The following CTNNA1 variants were observed in gnomAD, a reference collection of about 807,000 sequenced individuals.
CTNNA1 encodes catenin alpha-1.
Under a neutral mutation model 98.4 loss-of-function variants are expected in CTNNA1, and 37 were observed. The ratio of observed to expected loss-of-function variants is 0.38; its 90% CI spans 0.29 to 0.49. CTNNA1 has a LOEUF of 0.49. Among genes scored for constraint, CTNNA1 ranks in the 20% least tolerant of loss-of-function variants. CTNNA1 has a pLI of 0.95. For synonymous variants in CTNNA1, 404 were observed against 413.2 expected (o/e 0.98, Z 0.27); for missense variants, 761 against 1,147.2 (o/e 0.66, Z 4.86).
intron 5 of CTNNA1, among the ~76,000 whole-genome samples, chr5:138,817,503 G>A (rs112222973): frequency 0.012 from 1,830 of 152,184 alleles, 38 homozygotes; most frequent in African/African-American, 0.037. Flanking sequence ...AATTAAATAG[G>A]TTTTCTATGC....
intron 9 of CTNNA1, among the ~76,000 whole-genome samples, chr5:138,893,048 A>T (rs1298956948): frequency 6.6e-6 from 1 of 152,210 alleles, no homozygotes; most frequent in East Asian, 1.9e-4. Context: ...AAAATAAATT[A>T]AAAATTCTTC....
rs572159120 is a variant in CTNNA1, at chr5:138,901,564, A to G, written c.1297-2785A>G. Among the ~76,000 whole-genome samples, 127 of 152,234 alleles carry G rather than the reference A, an allele frequency of 8.3e-4. 1 individual carries two copies. Among genetic ancestry groups the G allele is most frequent in the South Asian group, 6.4e-3 (31 of 4,830 alleles). ...CTCAGCCTTCCAATTAGCTGGGACT[A>G]TAGGTGCGTGCCACCACACCCAGCC... On this transcript the variant is annotated intron_variant, in intron 9 of 17. Coordinates refer to ENST00000302763, the MANE Select transcript of CTNNA1 (RefSeq NM_001903.5).
At chr5:138,825,452 C>T (rs12654305) in intron 6 of CTNNA1, among the ~76,000 whole-genome samples, 1 of 126,202 alleles carries the variant, frequency 7.9e-6, no homozygotes, top group Non-Finnish European at 1.6e-5. Context: ...CACAGTGCCT[C>T]TTGGCTTCCA....
chr5:138,881,363 A>G (rs1003876250), intron 7 of CTNNA1, among the ~76,000 whole-genome samples: 1 of 152,234 alleles, frequency 6.6e-6, no homozygotes, highest in Non-Finnish European at 1.5e-5. Flanking sequence ...GGCAGAGCCC[A>G]CCAGCCATTT....
intron 10 of CTNNA1, among the ~76,000 whole-genome samples, chr5:138,905,018 T>C (rs11958642): frequency 0.33 from 47,315 of 144,746 alleles, 7,791 homozygotes; most frequent in African/African-American, 0.42. Flanking sequence ...GGCGTGAACC[T>C]GGGAGGCGGA....
intron 11 of CTNNA1, among the ~76,000 whole-genome samples, chr5:138,920,538 T>C (rs1025804619): frequency 6.6e-6 from 1 of 152,234 alleles, no homozygotes; most frequent in Non-Finnish European, 1.5e-5. Flanking sequence ...GATCTGGCTT[T>C]TGAGGTAGGT....
At chr5:138,823,657 C>G (rs1194181451) in intron 5 of CTNNA1, among the ~76,000 whole-genome samples, 1 of 152,144 alleles carries the variant, frequency 6.6e-6, no homozygotes, top group Admixed American at 6.5e-5. Flanking sequence ...AAAACTCTTA[C>G]AATAAAATTA....
chr5:138,756,108 G>A (rs971480127), intron 1 of CTNNA1, among the ~76,000 whole-genome samples: 2 of 151,486 alleles, frequency 1.3e-5, no homozygotes, highest in Non-Finnish European at 2.9e-5. Flanking sequence ...GCATAATTGC[G>A]GCTCACTGCA....
chr5:138,818,147 T>TC (rs1187627051), intron 5 of CTNNA1, among the ~76,000 whole-genome samples: 1 of 150,718 alleles, frequency 6.6e-6, no homozygotes, highest in Non-Finnish European at 1.5e-5. Flanking sequence ...TTTTTTTTTT[T>TC]CAGACAGGGT....
intron 1 of CTNNA1, among the ~76,000 whole-genome samples, chr5:138,777,088 C>T: frequency 6.6e-6 from 1 of 151,538 alleles, no homozygotes; most frequent in Non-Finnish European, 1.5e-5. Context: ...GGAGGGGCTC[C>T]TCACTTCTCA....
At chr5:138,922,545 C>G (rs560502746) in intron 11 of CTNNA1, among the ~76,000 whole-genome samples, 7 of 152,164 alleles carry the variant, frequency 4.6e-5, no homozygotes, top group African/African-American at 1.7e-4. Flanking sequence ...TAGAAGCACA[C>G]CTATAAATAA....
chr5:138,933,313 A>G (rs531095866), intron 17 of CTNNA1, among the ~76,000 whole-genome samples: 1 of 152,234 alleles, frequency 6.6e-6, no homozygotes, highest in Non-Finnish European at 1.5e-5. Flanking sequence ...GGCAGGGGAA[A>G]GAAGAGGTTT....
At chr5:138,887,988 A>G (rs557551195) in intron 9 of CTNNA1, among the ~76,000 whole-genome samples, 5 of 152,366 alleles carry the variant, frequency 3.3e-5, no homozygotes, top group African/African-American at 9.6e-5. Flanking sequence ...CTGCGCTTGC[A>G]TCCTGACAAG....
intron 7 of CTNNA1, among the ~76,000 whole-genome samples, chr5:138,861,441 A>C (rs947158037): frequency 6.6e-6 from 1 of 152,194 alleles, no homozygotes; most frequent in Non-Finnish European, 1.5e-5. Context: ...CATACTTTCA[A>C]ATGAAAGGTC....
chr5:138,792,079 A>G lies in CTNNA1; in HGVS notation c.301+8707A>G, dbSNP rs78600737. The stretch of plus-strand genomic sequence containing the variant: ...TCTTAATTGATGTTAATGGAGAGAC[A>G]TTCTTTTATTTATCTCAGTAATTGT... On this transcript the variant is annotated intron_variant, in intron 3 of 17. Coordinates refer to ENST00000302763, the MANE Select transcript of CTNNA1 (RefSeq NM_001903.5). Among the ~76,000 whole-genome samples, 335 of 152,236 alleles carry G rather than the reference A, an allele frequency of 2.2e-3. 4 individuals carry two copies. Among genetic ancestry groups the G allele is most frequent in the East Asian group, 9.6e-4 (5 of 5,188 alleles).
In CTNNA1 at chr5:138,934,479, G is replaced by A. The variant is rs775141513; in HGVS notation, c.*390G>A. 3 of 180,742 alleles carry A rather than the reference G, an allele frequency of 1.7e-5. No homozygotes were observed. The highest frequency in any genetic ancestry group is 3.5e-5 in the Non-Finnish European group (3 of 86,624). The allele number at this position is 180,742 out of a possible 1,614,324, so 11.2% of individuals were successfully genotyped here. A position where few individuals can be genotyped will look rare whatever the true frequency, so the allele number is the denominator to read the frequency against. ...AGGGTGCAGTCCAGACAGCTTGACTGCTTTTAAATGACCAAAGATGACCTG... is the reference window on the plus strand; with the variant it reads ...AGGGTGCAGTCCAGACAGCTTGACTACTTTTAAATGACCAAAGATGACCTG... On this transcript the variant is annotated 3_prime_UTR_variant, in exon 18 of 18. Transcript: ENST00000302763.
intron 9 of CTNNA1, among the ~76,000 whole-genome samples, chr5:138,888,046 C>A (rs1581488723): frequency 6.6e-6 from 1 of 152,182 alleles, no homozygotes; most frequent in African/African-American, 2.4e-5. Context: ...AAAATTAGGA[C>A]ACTGATAATA....
In CTNNA1 at chr5:138,810,192, T is replaced by G. The variant is rs768224635; in HGVS notation, c.456T>G (p.Val152=). The G allele has an allele frequency of 6.2e-7, 1 of 1,614,010 alleles. No homozygotes were observed. Among genetic ancestry groups the G allele is most frequent in the Non-Finnish European group, 8.5e-7 (1 of 1,179,858 alleles). ...TGGCAGATGTCTACAAATTACTTGT[T>G]CAGCTGAAAGTTGTAAGTATACAGG... ...ADMADVYKLL[V]QLKVVEDGIL... The change falls in exon 4 of 18, where the codon GTT becomes GTG. Residue 152 remains valine, a synonymous_variant. Coordinates refer to ENST00000302763, the MANE Select transcript of CTNNA1 (RefSeq NM_001903.5).
chr5:138,792,984 CCT>C (rs956491923), intron 3 of CTNNA1, among the ~76,000 whole-genome samples: 1 of 152,112 alleles, frequency 6.6e-6, no homozygotes, highest in African/African-American at 2.4e-5. Context: ...CCTGTTTTCT[CCT>C]CTTATTTTTG....
Sources: gnomAD v4.1 joint callset for allele counts (sites outside exome capture counted in the v4.1 genomes callset) on GRCh38, gnomAD v4.1.1 for gene constraint, MANE v1.5 for transcripts, NCBI Gene and HGNC (gene_info 2026-07-23, HGNC 2026-07-21) for gene names.